The following FUT8 variants were observed in gnomAD, a reference collection of about 807,000 sequenced individuals.
The protein encoded by FUT8 is alpha-(1,6)-fucosyltransferase.
Under a neutral mutation model 71.3 loss-of-function variants are expected in FUT8, and 29 were observed. That is an observed-to-expected ratio of 0.41 (90% CI 0.30 to 0.55). FUT8 has a LOEUF of 0.55. Ranked by LOEUF, FUT8 falls within the 20% of genes least tolerant of loss-of-function variation. The probability of loss-of-function intolerance (pLI) is 0.34; values close to 1 mark genes in which losing one functional copy is unlikely to be tolerated. For missense variants in FUT8, 544 were observed against 702.1 expected (o/e 0.77, Z 2.55); for synonymous variants, 254 against 239.3 (o/e 1.06, Z -0.57).
intron 2 of FUT8, among the ~76,000 whole-genome samples, chr14:65,474,348 A>G (rs1594672902): frequency 6.7e-6 from 1 of 150,358 alleles, no homozygotes; most frequent in East Asian, 2.0e-4. Context: ...CACGCCTGTA[A>G]TCCCAGCACT....
chr14:65,633,910 G>A (rs1260964763), intron 6 of FUT8, among the ~76,000 whole-genome samples: 8 of 149,910 alleles, frequency 5.3e-5, no homozygotes, highest in South Asian at 2.1e-4. Flanking sequence ...GTCAGCCCCC[G>A]CCCGGCCAGC....
At position 65,742,636 on chromosome 14, in the gene FUT8, G is replaced by C. The variant is rs574241023; in HGVS notation, c.*226G>C. ...TCATACCCATGCACAGTACAATAAT[G>C]TACTCACATATAACATGCAAACAGG... is the stretch of plus-strand genomic sequence containing the variant. On this transcript the variant is annotated 3_prime_UTR_variant, in exon 11 of 11. Transcript: ENST00000673929. 2 of 482,156 alleles carry C rather than the reference G, an allele frequency of 4.1e-6. No homozygotes were observed. Among genetic ancestry groups the C allele is most frequent in the African/African-American group, 3.8e-5 (2 of 52,172 alleles). The allele number at this position is 482,156 out of a possible 1,614,324, so 29.9% of individuals were successfully genotyped here.
At chr14:65,395,972 A>G in the FUT8 span, among the ~76,000 whole-genome samples, 2 of 152,200 alleles carry the variant, frequency 1.3e-5, no homozygotes, top group East Asian at 1.9e-4. Context: ...CTCAAGTTCA[A>G]AGTTCCACAA....
At chr14:65,501,565 C>T (rs191393143) in intron 2 of FUT8, among the ~76,000 whole-genome samples, 20 of 152,326 alleles carry the variant, frequency 1.3e-4, no homozygotes, top group Admixed American at 5.2e-4. Flanking sequence ...GTACTGCATT[C>T]TCCCTCTAGT....
At chr14:65,544,028 T>C (rs1322955751) in intron 2 of FUT8, among the ~76,000 whole-genome samples, 1 of 152,172 alleles carries the variant, frequency 6.6e-6, no homozygotes, top group Non-Finnish European at 1.5e-5. Flanking sequence ...TCACCTTGAG[T>C]TGCAATTTCT....
chr14:65,630,326 C>T (rs2140264473), intron 6 of FUT8, among the ~76,000 whole-genome samples: 1 of 152,214 alleles, frequency 6.6e-6, no homozygotes, highest in South Asian at 2.1e-4. Flanking sequence ...AAATTAATTT[C>T]ACTTTGTTTT....
intron 2 of FUT8, among the ~76,000 whole-genome samples, chr14:65,509,119 A>C (rs1442826962): frequency 2.6e-5 from 4 of 152,062 alleles, no homozygotes; most frequent in African/African-American, 9.7e-5. Flanking sequence ...GAGAGATAGG[A>C]GTCTAGTTTC....
chr14:65,372,284 G>A, the FUT8 span, among the ~76,000 whole-genome samples: 1 of 152,052 alleles, frequency 6.6e-6, no homozygotes, highest in Non-Finnish European at 1.5e-5. Context: ...ACTCCTCTAT[G>A]TATCTTCCAA....
rs952444818 is a variant in FUT8 at position 65,568,966 on chromosome 14, T to A, written c.203+7200T>A. Among the ~76,000 whole-genome samples the A allele has an allele frequency of 2.0e-5, 3 of 151,990 alleles. No individual in the cohort carries two copies. The South Asian group carries it at 6.2e-4, about 31-fold the overall frequency. On this transcript the variant is annotated intron_variant, in intron 3 of 10. Transcript: ENST00000673929. The stretch of plus-strand genomic sequence containing the variant: ...AGCAATAAATTCAGATTCTCTTTTT[T>A]AAAAACTTTATCTTTCATTTTGTTA...
the FUT8 span, among the ~76,000 whole-genome samples, chr14:65,364,359 A>G: frequency 6.6e-6 from 1 of 152,030 alleles, no homozygotes; most frequent in Non-Finnish European, 1.5e-5. Context: ...ACCCGCCACC[A>G]TGCCCAGCTA....
intron 1 of FUT8, among the ~76,000 whole-genome samples, chr14:65,435,286 A>G (rs1023039282): frequency 2.6e-5 from 4 of 151,936 alleles, no homozygotes. Flanking sequence ...TTACTATAAT[A>G]TTTTCTATCC....
At chr14:65,596,420 T>C (rs576295959) in intron 3 of FUT8, among the ~76,000 whole-genome samples, 21 of 152,348 alleles carry the variant, frequency 1.4e-4, no homozygotes, top group African/African-American at 4.6e-4. Flanking sequence ...AATTTTATAG[T>C]ATTCTTTCCA....
chr14:65,576,631 C>T (rs982477471), intron 3 of FUT8, among the ~76,000 whole-genome samples: 2 of 143,362 alleles, frequency 1.4e-5, no homozygotes, highest in Non-Finnish European at 3.0e-5. Context: ...TGGGCTCAAG[C>T]GATCCTCCTA....
intron 7 of FUT8, among the ~76,000 whole-genome samples, chr14:65,701,475 A>G (rs867525697): frequency 1.3e-5 from 2 of 152,226 alleles, no homozygotes; most frequent in Admixed American, 6.5e-5. Context: ...AATTTTACAT[A>G]ATTATTAGAA....
the FUT8 span, among the ~76,000 whole-genome samples, chr14:65,405,007 G>A: frequency 2.0e-5 from 3 of 152,184 alleles, no homozygotes; most frequent in Non-Finnish European, 4.4e-5. Flanking sequence ...GGATTGGCGT[G>A]GAGGCTTGAC....
rs893556249 is a variant in FUT8 at position 65,467,044 on chromosome 14, T to C, written c.-228+11326T>C. ...AGGATCAGAAAAACAAAAGATTTAG[T>C]TTTACCTTTATTTTTTTCCTCTACA... On this transcript the variant is annotated intron_variant, in intron 2 of 10. Coordinates refer to ENST00000673929, the MANE Select transcript of FUT8 (RefSeq NM_001371533.1). This position sits in a 1 kb window ranked among gnomAD's most constrained non-coding sequence, Gnocchi z 4.1. 6.6e-5 allele frequency among the ~76,000 whole-genome samples: 10 copies of C among 152,176 alleles called. No homozygotes were observed. The highest frequency in any genetic ancestry group is 2.4e-4 in the African/African-American group (10 of 41,438).
In FUT8 at chr14:65,724,042, A is replaced by G. The variant is rs2139360016; in HGVS notation, c.1083-105A>G. On this transcript the variant is annotated intron_variant, in intron 8 of 10. Transcript: ENST00000673929. ...TAATAGTGAAAATGAAAGAAAAATC[A>G]GTTAAAAATGCCTATAATGCCACCA... 1.2e-5 allele frequency: 9 copies of G among 762,198 alleles called. No homozygotes were observed. In the East Asian group the frequency reaches 2.6e-4, roughly 22 times the overall value. The allele number at this position is 762,198 out of a possible 1,614,324, so 47.2% of individuals were successfully genotyped here.
At chr14:65,368,018 A>T in the FUT8 span, among the ~76,000 whole-genome samples, 1,206 of 151,068 alleles carry the variant, frequency 8.0e-3, 44 homozygotes, top group Admixed American at 0.063. Context: ...GTAACCACTT[A>T]AAAAAAAAGT....
At chr14:65,405,740 G>A (rs1320775184), upstream of FUT8, among the ~76,000 whole-genome samples, 1 of 152,222 alleles carries the variant, frequency 6.6e-6, no homozygotes, top group African/African-American at 2.4e-5. Context: ...GGATACTTCT[G>A]TCTTCTCTGC....
Sources: allele counts gnomAD v4.1 joint callset (sites outside exome capture counted in the v4.1 genomes callset), GRCh38; gene constraint gnomAD v4.1.1; non-coding constraint Gnocchi (gnomAD v3.1); transcripts MANE v1.5; gene names NCBI Gene and HGNC (gene_info 2026-07-23, HGNC 2026-07-21).